Variants in MEGF6 observed in about 807,000 individuals in gnomAD.
MEGF6 encodes multiple EGF like domains 6.
Under a neutral mutation model 207.1 loss-of-function variants are expected in MEGF6, and 184 were observed. That is an observed-to-expected ratio of 0.89 (90% CI 0.79 to 1.00). MEGF6 has a LOEUF of 1.00. MEGF6 is among the 50% of genes least tolerant of loss of function. The probability of loss-of-function intolerance (pLI) is 0.00; values close to 1 mark genes in which losing one functional copy is unlikely to be tolerated. For missense variants in MEGF6, 2,282 were observed against 2,202.9 expected, an observed-to-expected ratio of 1.04 and a Z score of -0.72; for synonymous variants, 1,038 against 910.0, an observed-to-expected ratio of 1.14 and a Z score of -2.53.
intron 4 of MEGF6, among the ~76,000 whole-genome samples, chr1:3,558,716 T>C (rs1643106255): frequency 6.6e-6 from 1 of 152,240 alleles, no homozygotes; most frequent in Non-Finnish European, 1.5e-5. Context: ...GCGATCGTGA[T>C]GGATGCGAGC....
intron 4 of MEGF6, among the ~76,000 whole-genome samples, chr1:3,532,893 G>C (rs1348116269): frequency 6.6e-6 from 1 of 152,224 alleles, no homozygotes; most frequent in African/African-American, 2.4e-5. Context: ...CCCTGCAGGG[G>C]AGGGCTACTG....
At chr1:3,581,690 G>T (rs554401221) in intron 3 of MEGF6, among the ~76,000 whole-genome samples, 2 of 152,280 alleles carry the variant, frequency 1.3e-5, no homozygotes, top group Admixed American at 1.3e-4. Flanking sequence ...CCCCCGGGTG[G>T]GGAGCAGGTG....
chr1:3,513,758 T>C (rs1387517342), intron 7 of MEGF6, among the ~76,000 whole-genome samples: 1 of 147,862 alleles, frequency 6.8e-6, no homozygotes, highest in African/African-American at 2.5e-5. Flanking sequence ...CCTGGCTAAT[T>C]AAAAAAAAAA....
At chr1:3,601,894 C>T (rs984553029) in intron 2 of MEGF6, among the ~76,000 whole-genome samples, 3 of 152,238 alleles carry the variant, frequency 2.0e-5, no homozygotes, top group African/African-American at 7.2e-5. Context: ...CCACGATCTT[C>T]TCTGAGAATG....
At chr1:3,571,021 G>A (rs1461045002) in intron 4 of MEGF6, among the ~76,000 whole-genome samples, 1 of 152,126 alleles carries the variant, frequency 6.6e-6, no homozygotes, top group African/African-American at 2.4e-5. Flanking sequence ...CTTCATGGCT[G>A]ACACCTCCAT....
intron 17 of MEGF6, among the ~76,000 whole-genome samples, chr1:3,504,926 T>G (rs567150428): frequency 6.6e-6 from 1 of 152,056 alleles, no homozygotes; most frequent in East Asian, 1.9e-4. Flanking sequence ...AGGGAGGAGT[T>G]TGGAGAGAAA....
Position 3,555,135 on chromosome 1 carries a change from G to A in MEGF6, c.481+24690C>T, listed in dbSNP as rs866939338. On this transcript the variant is annotated intron_variant, in intron 4 of 36. Transcript: ENST00000356575. Reference sequence around the variant, plus strand: ...ACCCCACGCACGGGGCCTGCTGGCCGGAGAGAAGCACAGGTGGTCCCCACC... The same window carrying A: ...ACCCCACGCACGGGGCCTGCTGGCCAGAGAGAAGCACAGGTGGTCCCCACC... 7.2e-5 allele frequency among the ~76,000 whole-genome samples: 11 copies of A among 152,322 alleles called. No homozygotes were observed. The East Asian group carries it at 1.5e-3, about 21-fold the overall frequency.
intron 1 of MEGF6, among the ~76,000 whole-genome samples, chr1:3,610,341 C>G (rs74421199): frequency 0.044 from 6,744 of 152,298 alleles, 273 homozygotes; most frequent in East Asian, 0.12. Flanking sequence ...TGGACGGGAA[C>G]AGCCTGAGGG....
At chr1:3,607,609 T>C (rs1205289734) in intron 1 of MEGF6, among the ~76,000 whole-genome samples, 1 of 152,144 alleles carries the variant, frequency 6.6e-6, no homozygotes, top group Middle Eastern at 3.4e-3. Flanking sequence ...GGCAGAAGAA[T>C]GGACAAAAAG....
Position 3,507,805 on chromosome 1 carries a change from G to T in MEGF6, c.1779C>A (p.Asn593Lys). The change falls in exon 14 of 37, where the codon AAC becomes AAA. Residue 593 changes from asparagine to lysine, a missense_variant. Physicochemically the swap from Asn to Lys is moderately conservative, Grantham distance 94. Transcript: ENST00000356575. ...CRCPPGVSGT[N>K]CEDGCPKGYY... Reference sequence around the variant, plus strand: ...AGAGGCTGCACGCACCATCCTCACAGTTAGTTCCACTGACACCCGGGGGGC... The same window carrying T: ...AGAGGCTGCACGCACCATCCTCACATTTAGTTCCACTGACACCCGGGGGGC... The T allele has an allele frequency of 6.2e-7, 1 of 1,612,804 alleles. No homozygotes were observed. The highest frequency in any genetic ancestry group is 8.5e-7 in the Non-Finnish European group (1 of 1,179,904).
rs1343928964 is a variant in MEGF6 at position 3,492,749 on chromosome 1, A to T, written c.4406T>A (p.Phe1469Tyr). 12 of 1,612,190 alleles carry T rather than the reference A, an allele frequency of 7.4e-6. No homozygotes were observed. The highest frequency in any genetic ancestry group is 1.0e-5 in the Non-Finnish European group (12 of 1,179,600). Residue 1469 changes from phenylalanine (F) to tyrosine (Y), a missense_variant, in exon 35 of 37, where the codon TTT becomes TAT. Transcript: ENST00000356575. Reference sequence around the variant, plus strand: ...ACAGTGCAGGGTGCAGCTGGGCCCAAACTGGCCCCTTCTGCAATCTGCAAG... The same window carrying T: ...ACAGTGCAGGGTGCAGCTGGGCCCATACTGGCCCCTTCTGCAATCTGCAAG... Reference protein sequence around the residue: ...TCNLDCRRGQFGPSCTLHCDC... With the variant: ...TCNLDCRRGQYGPSCTLHCDC...
rs1252514752 is a variant in MEGF6 at position 3,568,701 on chromosome 1, G to T, written c.481+11124C>A. ...TATGACCTTGCCGGCCAGCCCTTTA[G>T]CCCCTCCTGACGGTGGGTTTCTCTA... On this transcript the variant is annotated intron_variant, in intron 4 of 36. Transcript: ENST00000356575. Among the ~76,000 whole-genome samples, 3 of 152,094 alleles carry T rather than the reference G, an allele frequency of 2.0e-5. 1 individual carries two copies. Among genetic ancestry groups the T allele is most frequent in the Non-Finnish European group, 4.4e-5 (3 of 68,006 alleles).
intron 4 of MEGF6, among the ~76,000 whole-genome samples, chr1:3,533,893 C>T (rs933580287): frequency 1.1e-4 from 17 of 152,296 alleles, no homozygotes; most frequent in African/African-American, 1.7e-4. Context: ...CTCAGGCAGG[C>T]CCCACTCTGA....
chr1:3,595,467 G>A lies in MEGF6; in HGVS notation c.267-20C>T, dbSNP rs1175071907. ...ACGGTTCTAGAAAGAAAGAGAGAAG[G>A]GAAGTGCTTACCGTCGCGGGACTGG... is the stretch of plus-strand genomic sequence containing the variant. On this transcript the variant is annotated intron_variant, in intron 2 of 36. Coordinates refer to ENST00000356575, the MANE Select transcript of MEGF6 (RefSeq NM_001409.4). 2 of 1,596,970 alleles carry A rather than the reference G, an allele frequency of 1.3e-6. No homozygotes were observed. The highest frequency in any genetic ancestry group is 1.3e-5 in the African/African-American group (1 of 74,604).
At chr1:3,494,237 C>A in intron 32 of MEGF6, 113 bp from the exon 33 acceptor site, 1 of 1,465,916 alleles carries the variant, frequency 6.8e-7, no homozygotes, top group Non-Finnish European at 9.0e-7. Flanking sequence ...CCCCTCCTGC[C>A]CGTCCTCGTC....
At chr1:3,524,970 A>G (rs1641906323) in intron 4 of MEGF6, among the ~76,000 whole-genome samples, 1 of 152,208 alleles carries the variant, frequency 6.6e-6, no homozygotes, top group African/African-American at 2.4e-5. Context: ...ATGGGTTCAT[A>G]GGGAGCGTGG....
chr1:3,524,734 C>G (rs1465165471), intron 4 of MEGF6, among the ~76,000 whole-genome samples: 1 of 152,196 alleles, frequency 6.6e-6, no homozygotes, highest in African/African-American at 2.4e-5. Context: ...CAGTTCATGG[C>G]CATCTGGAGC....
chr1:3,523,457 C>T (rs551327621), intron 5 of MEGF6, among the ~76,000 whole-genome samples: 16 of 152,220 alleles, frequency 1.1e-4, no homozygotes, highest in Admixed American at 6.5e-4. Context: ...GGCCACAGTC[C>T]GTGTCCGCGA....
chr1:3,524,274 G>A (rs1339872073), intron 4 of MEGF6, 28 bp from the exon 5 acceptor site: 3 of 1,598,506 alleles, frequency 1.9e-6, no homozygotes, highest in Non-Finnish European at 2.6e-6. Flanking sequence ...AGGATCAGCA[G>A]CTGGGCACCT....
Sources: gnomAD v4.1 joint callset for allele counts (sites outside exome capture counted in the v4.1 genomes callset) on GRCh38, gnomAD v4.1.1 for gene constraint, MANE v1.5 for transcripts, NCBI Gene and HGNC (gene_info 2026-07-23, HGNC 2026-07-21) for gene names.